Variants in WDR19 observed in about 807,000 individuals in gnomAD.
WDR19 encodes the protein WD repeat-containing protein 19.
Under a neutral mutation model 180.0 loss-of-function variants are expected in WDR19, and 121 were observed. The ratio of observed to expected loss-of-function variants is 0.67; its 90% CI spans 0.58 to 0.78. The LOEUF (loss-of-function observed/expected upper bound fraction) is 0.78, where lower values mean the gene tolerates loss of function less well. WDR19 is among the 30% of genes least tolerant of loss of function. The pLI is 0.00. For synonymous variants in WDR19, 497 were observed against 540.7 expected, an observed-to-expected ratio of 0.92 and a Z score of 1.12; for missense variants, 1,450 against 1,640.7, an observed-to-expected ratio of 0.88 and a Z score of 2.01.
At chr4:39,285,055 A>G (rs1184088231) in intron 36 of WDR19, among the ~76,000 whole-genome samples, 2 of 39,570 alleles carry the variant, frequency 5.1e-5, no homozygotes, top group Admixed American at 1.8e-4. Flanking sequence ...ACAAGACCCC[A>G]TCATCTCCTA....
At chr4:39,276,090 C>T (rs545361902) in intron 33 of WDR19, among the ~76,000 whole-genome samples, 1 of 152,292 alleles carries the variant, frequency 6.6e-6, no homozygotes, top group East Asian at 1.9e-4. Context: ...CTGTTCATTA[C>T]ATTATGACGA....
chr4:39,245,126 T>C lies in WDR19; in HGVS notation c.2646-243T>C, dbSNP rs1732382030. 4.0e-5 allele frequency among the ~76,000 whole-genome samples: 6 copies of C among 150,746 alleles called. No homozygotes were observed. The South Asian group carries it at 1.3e-3, about 32-fold the overall frequency. On this transcript the variant is annotated intron_variant, in intron 23 of 36. Transcript: ENST00000399820. ...CTAATTTTTGTATTTTTTTTTTTTC[T>C]AGTAGAGGTGGGGTTTCACCATGTT... is the stretch of plus-strand genomic sequence containing the variant.
intron 28 of WDR19, among the ~76,000 whole-genome samples, chr4:39,263,638 G>A (rs927849049): frequency 1.3e-5 from 2 of 152,122 alleles, no homozygotes; most frequent in African/African-American, 4.8e-5. Context: ...AAAAGCAATA[G>A]GGACAGCCGG....
At chr4:39,264,935 T>TG (rs397803926) in intron 28 of WDR19, among the ~76,000 whole-genome samples, 3 of 151,246 alleles carry the variant, frequency 2.0e-5, no homozygotes, top group Non-Finnish European at 4.4e-5. Context: ...TTTTTTTTTT[T>TG]GAGACAAAGT....
At position 39,228,639 on chromosome 4, in the gene WDR19, C is replaced by T. The variant is rs770339514; in HGVS notation, c.1931C>T (p.Thr644Met). 1.4e-5 allele frequency: 22 copies of T among 1,611,288 alleles called. No individual in the cohort carries two copies. Among genetic ancestry groups the T allele is most frequent in the South Asian group, 4.4e-5 (4 of 90,324 alleles). The change falls in exon 17 of 37, where the codon ACG becomes ATG. Residue 644 changes from threonine to methionine, a missense_variant. By Grantham distance (81) the Thr-to-Met change is moderately conservative (BLOSUM62 -1). Transcript: ENST00000399820. ...THGFLSNLKD[T>M]GPDELRPMLA... The stretch of plus-strand genomic sequence containing the variant: ...GGCTTTCTCAGCAACTTAAAAGATA[C>T]GGGGCCTGACGAACTGAGACCAATG...
rs775181779 is a variant in WDR19 at position 39,244,311 on chromosome 4, C to A, written c.2485C>A (p.Arg829=). Residue 829 remains arginine, a synonymous_variant, in exon 22 of 37, where the codon CGA becomes AGA. Transcript: ENST00000399820. ...QMSIRMGDIR[R]GVNQALKHPS... is the part of the protein sequence containing the mutation. ...GTCCATAAGAATGGGAGACATACGT[C>A]GAGGGGTTAACCAAGCCCTCAAGCA... is the stretch of plus-strand genomic sequence containing the variant. 6.2e-7 allele frequency: 1 copy of A among 1,613,848 alleles called. No homozygotes were observed. Among genetic ancestry groups the A allele is most frequent in the South Asian group, 1.1e-5 (1 of 91,072 alleles).
intron 24 of WDR19, among the ~76,000 whole-genome samples, chr4:39,249,841 A>T (rs376921780): frequency 5.3e-5 from 8 of 152,156 alleles, no homozygotes; most frequent in Non-Finnish European, 8.8e-5. Context: ...TCTGAAATTG[A>T]GGCAATAATT....
chr4:39,255,967 AT>A lies in WDR19; in HGVS notation c.3114+10del. ...GTGTGGCCAATATTCACGAGTTAGT[AT>A]TTGCCAAGAAAATATACACTGACTC... On this transcript the variant is annotated splice_region_variant and intron_variant, in intron 27 of 36. Coordinates refer to ENST00000399820, the MANE Select transcript of WDR19 (RefSeq NM_025132.4). 1.4e-6 allele frequency: 2 copies of A among 1,475,520 alleles called. No individual in the cohort carries two copies. The highest frequency in any genetic ancestry group is 1.8e-6 in the Non-Finnish European group (2 of 1,101,350). 91.4% of individuals were successfully genotyped at this position (1,475,520 alleles called of 1,614,324 possible). A position where few individuals can be genotyped will look rare whatever the true frequency, so the allele number is the denominator to read the frequency against.
rs1251374259 is a variant in WDR19, at chr4:39,267,992, C to T, written c.3262-3C>T. ...AATGTTTCTATAATGGTTTATGTGT[C>T]AGGATGCCAAGTACCTGTTCCGCTT... is the stretch of plus-strand genomic sequence containing the variant. On this transcript the variant is annotated splice_region_variant and splice_polypyrimidine_tract_variant and intron_variant, in intron 29 of 36. Transcript: ENST00000399820. The T allele has an allele frequency of 6.3e-7, 1 of 1,597,472 alleles. No homozygotes were observed.
At position 39,215,888 on chromosome 4, in the gene WDR19, T is replaced by A; in HGVS notation, c.1009T>A (p.Ser337Thr). Residue 337 changes from serine (S) to threonine (T), a missense_variant, in exon 11 of 37, where the codon TCT becomes ACT. Transcript: ENST00000399820. ...TGATGATGGCCAGTTGCTAGCACTC[T>A]CTACCCAAAGGGGCTCACTTCATGT... The part of the protein sequence containing the change: ...WTDDGQLLAL[S>T]TQRGSLHVFL... 1.2e-6 allele frequency: 2 copies of A among 1,613,884 alleles called. No homozygotes were observed. Among genetic ancestry groups the A allele is most frequent in the Non-Finnish European group, 1.7e-6 (2 of 1,179,808 alleles).
chr4:39,209,999 C>A (rs1320633794), intron 9 of WDR19, among the ~76,000 whole-genome samples: 1 of 152,014 alleles, frequency 6.6e-6, no homozygotes, highest in Non-Finnish European at 1.5e-5. Flanking sequence ...CTGGATTAGC[C>A]CTATAACTAC....
intron 19 of WDR19, among the ~76,000 whole-genome samples, chr4:39,233,959 G>A: frequency 6.6e-6 from 1 of 152,164 alleles, no homozygotes; most frequent in Admixed American, 6.5e-5. Flanking sequence ...AGTTAACCAG[G>A]TGAAGAGTTC....
intron 15 of WDR19, among the ~76,000 whole-genome samples, chr4:39,226,990 G>A (rs759011436): frequency 3.3e-4 from 50 of 151,992 alleles, no homozygotes; most frequent in Non-Finnish European, 5.9e-4. Context: ...CTTAATAATC[G>A]CGATTCTGAC....
In WDR19 at chr4:39,205,269, A is replaced by G. The variant is rs1277365215; in HGVS notation, c.716+3A>G. ...GGCAACATTGTCTGCTATAATTGGT[A>G]TGTCTGCTATAACTGGTATGTACAA... On this transcript the variant is annotated splice_donor_region_variant and intron_variant, in intron 8 of 36. Coordinates refer to ENST00000399820, the MANE Select transcript of WDR19 (RefSeq NM_025132.4). The G allele has an allele frequency of 6.3e-7, 1 of 1,579,866 alleles. No homozygotes were observed. The highest frequency in any genetic ancestry group is 1.2e-5 in the South Asian group (1 of 86,554).
At chr4:39,281,889 T>C (rs990029676) in intron 36 of WDR19, among the ~76,000 whole-genome samples, 1 of 152,192 alleles carries the variant, frequency 6.6e-6, no homozygotes, top group Non-Finnish European at 1.5e-5. Flanking sequence ...CTGATCTTTA[T>C]GGTCAGAGGA....
chr4:39,240,110 G>A (rs747047945), intron 20 of WDR19, among the ~76,000 whole-genome samples, 167 bp from the exon 21 acceptor site: 20 of 148,362 alleles, frequency 1.3e-4, no homozygotes, highest in Non-Finnish European at 2.5e-4. Context: ...CAGTGAGGTC[G>A]TGGCTACAGT....
At position 39,244,491 on chromosome 4, in the gene WDR19, C is replaced by T; in HGVS notation, c.2584C>T (p.Leu862=). The part of the protein sequence containing the change: ...NMKQFSEAAQ[L]YEKGLYYDKA... ...TTAGCAATTTTCAGAAGCGGCCCAA[C>T]TGTATGAAAAAGGTCTCTACTACGA... The change falls in exon 23 of 37, where the codon CTG becomes TTG. Residue 862 remains leucine, a synonymous_variant. Coordinates refer to ENST00000399820, the MANE Select transcript of WDR19 (RefSeq NM_025132.4). 6.2e-7 allele frequency: 1 copy of T among 1,613,982 alleles called. No individual in the cohort carries two copies. The highest frequency in any genetic ancestry group is 2.2e-5 in the East Asian group (1 of 44,884).
chr4:39,247,784 T>C lies in WDR19; in HGVS notation c.2729+2332T>C, dbSNP rs570776291. Among the ~76,000 whole-genome samples the C allele has an allele frequency of 1.4e-4, 21 of 150,158 alleles. No individual in the cohort carries two copies. In the South Asian group the frequency reaches 4.2e-3, roughly 30 times the overall value. The stretch of plus-strand genomic sequence containing the variant: ...GGAAGACGAAATGAATGAAATGAAG[T>C]GTGAAGAGAAGTTTAGAGAAAAAAG... On this transcript the variant is annotated intron_variant, in intron 24 of 36. Transcript: ENST00000399820.
rs1253209620 is a variant in WDR19 at position 39,244,689 on chromosome 4, G to T, written c.2645+137G>T. The T allele has an allele frequency of 8.5e-6, 7 of 820,952 alleles. No individual in the cohort carries two copies. In the African/African-American group the frequency reaches 8.7e-5, roughly 10 times the overall value. 50.9% of individuals were successfully genotyped at this position (820,952 alleles called of 1,614,324 possible). On this transcript the variant is annotated intron_variant, in intron 23 of 36. Transcript: ENST00000399820. Reference sequence around the variant, plus strand: ...TCTAGACCTACCCTTCATCTCTTTTGTTCTCCTTAGATAAGTTCATATTAA... The same window carrying T: ...TCTAGACCTACCCTTCATCTCTTTTTTTCTCCTTAGATAAGTTCATATTAA...
Sources: allele counts gnomAD v4.1 joint callset (sites outside exome capture counted in the v4.1 genomes callset), GRCh38; gene constraint gnomAD v4.1.1; transcripts MANE v1.5; gene names NCBI Gene and HGNC (gene_info 2026-07-23, HGNC 2026-07-21).